HNRNPU: variants seen among roughly 807,000 people sequenced by gnomAD.
HNRNPU encodes heterogeneous nuclear ribonucleoprotein U.
Under a neutral mutation model 94.7 loss-of-function variants are expected in HNRNPU, and 5 were observed. The observed-to-expected ratio is 0.05, with a 90% CI of 0.03 to 0.11. HNRNPU has a LOEUF of 0.11. Among genes scored for constraint, HNRNPU ranks in the 10% least tolerant of loss-of-function variants. HNRNPU has a pLI of 1.00. For synonymous variants in HNRNPU, 434 were observed against 381.6 expected (o/e 1.14, Z -1.60); for missense variants, 710 against 1,049.2 (o/e 0.68, Z 4.47).
At chr1:244,859,100 G>A (rs891821779) in intron 5 of HNRNPU, 175 bp downstream of exon 5, 6 of 575,778 alleles carry the variant, frequency 1.0e-5, no homozygotes, top group East Asian at 2.9e-5. Context: ...TTCTAATAAA[G>A]GAACAAAAAC....
chr1:244,856,888 C>T lies in HNRNPU; in HGVS notation c.1615-32G>A, dbSNP rs772179775. 2.6e-6 allele frequency: 4 copies of T among 1,559,136 alleles called. No individual in the cohort carries two copies. In the East Asian group the frequency reaches 9.0e-5, roughly 35 times the overall value. ...TCAAAAGTTAAAATTTCCCCTTGAACTTGTGAATTTTAATAAGTTATGCTT... is the reference window on the plus strand; with the variant it reads ...TCAAAAGTTAAAATTTCCCCTTGAATTTGTGAATTTTAATAAGTTATGCTT... On this transcript the variant is annotated intron_variant, in intron 8 of 13. Transcript: ENST00000640218.
Position 244,864,504 on chromosome 1 carries a change from G to T in HNRNPU, c.-197C>A. 2.3e-6 allele frequency: 2 copies of T among 884,152 alleles called. No individual in the cohort carries two copies. Among genetic ancestry groups the T allele is most frequent in the Non-Finnish European group, 3.3e-6 (2 of 611,570 alleles). The allele number at this position is 884,152 out of a possible 1,614,324, so 54.8% of individuals were successfully genotyped here. A position where few individuals can be genotyped will look rare whatever the true frequency, so the allele number is the denominator to read the frequency against. ...CTTTCACCGAGTTCGCGAGGGAGAC[G>T]CGGAGACTCGCCTGGCGCGAGCGAG... is the stretch of plus-strand genomic sequence containing the variant. On this transcript the variant is annotated 5_prime_UTR_variant, in exon 1 of 14. Coordinates refer to ENST00000640218, the MANE Select transcript of HNRNPU (RefSeq NM_031844.3).
At chr1:244,855,236 A>G in intron 12 of HNRNPU, 188 bp downstream of exon 12, 1 of 722,166 alleles carries the variant, frequency 1.4e-6, no homozygotes, top group Non-Finnish European at 2.4e-6. Context: ...AATGCATCTG[A>G]CTTGTTTAGT....
At chr1:244,862,010 A>G (rs1006851537) in intron 3 of HNRNPU, 2 of 153,118 alleles carry the variant, frequency 1.3e-5, no homozygotes, top group Admixed American at 6.5e-5. Flanking sequence ...TGAAAAAGTA[A>G]TATTACAATC....
In HNRNPU at chr1:244,864,176, G is replaced by A. The variant is rs1260101788; in HGVS notation, c.132C>T (p.Asp44=). 4 of 1,607,030 alleles carry A rather than the reference G, an allele frequency of 2.5e-6. No homozygotes were observed. The East Asian group carries it at 6.7e-5, about 27-fold the overall frequency. Residue 44 remains aspartate (D), a synonymous_variant, in exon 1 of 14, where the codon GAC becomes GAT. Coordinates refer to ENST00000640218, the MANE Select transcript of HNRNPU (RefSeq NM_031844.3). ...LMERLQAALD[D]EEAGGRPAME... ...TGGCGGGGCGGCCCCCGGCCTCCTC[G>A]TCGTCCAGCGCAGCCTGGAGTCGCT...
intron 3 of HNRNPU, chr1:244,861,296 T>C (rs1323024561): frequency 2.6e-5 from 4 of 152,346 alleles, no homozygotes; most frequent in South Asian, 4.1e-4. Context: ...CAACAGATTG[T>C]TTGAATTCAA....
rs1680728001 is a variant in HNRNPU at position 244,858,096 on chromosome 1, G to A, written c.1409C>T (p.Pro470Leu). ...GQKEKPYFPI[P>L]EEYTFIQNVP... ...GTTCTGGATGAAAGTATACTCTTCAGGTATTGGAAAATATGGCTTTTCCTT... is the reference window on the plus strand; with the variant it reads ...GTTCTGGATGAAAGTATACTCTTCAAGTATTGGAAAATATGGCTTTTCCTT... The change falls in exon 7 of 14, where the codon CCT (proline) becomes CTT (leucine). Residue 470 changes from proline to leucine, a missense_variant. By Grantham distance (98) the Pro-to-Leu change is moderately conservative (BLOSUM62 -3). This residue lies in a region of HNRNPU where 150 missense variants were observed against 187.9 expected (regional missense o/e 0.80). Transcript: ENST00000640218. 1 of 1,613,942 alleles carries A rather than the reference G, an allele frequency of 6.2e-7. No homozygotes were observed. Among genetic ancestry groups the A allele is most frequent in the Non-Finnish European group, 8.5e-7 (1 of 1,179,864 alleles).
At chr1:244,857,893 G>C in intron 7 of HNRNPU, 118 bp downstream of exon 7, 2 of 1,297,174 alleles carry the variant, frequency 1.5e-6, no homozygotes, top group Non-Finnish European at 1.1e-6. Flanking sequence ...TTACTTAAGA[G>C]CAATATGCAC....
chr1:244,862,132 T>C (rs1221743056), intron 3 of HNRNPU: 6 of 231,434 alleles, frequency 2.6e-5, no homozygotes, highest in South Asian at 1.2e-4. Flanking sequence ...ATTACTTTAT[T>C]GTAGAAGCCT....
At chr1:244,859,058 G>GT (rs1680755987) in intron 5 of HNRNPU, 1 of 578,970 alleles carries the variant, frequency 1.7e-6, no homozygotes, top group Non-Finnish European at 3.0e-6. Context: ...CATATCACGG[G>GT]TAAGATTTTA....
intron 1 of HNRNPU, among the ~76,000 whole-genome samples, chr1:244,863,395 GACACACAC>G (rs1177980110): frequency 4.8e-4 from 67 of 138,716 alleles, no homozygotes; most frequent in East Asian, 2.7e-3. Context: ...TGCCACCGCC[GACACACAC>G]ACACACACAC....
chr1:244,857,154 T>C (rs1183776130), intron 8 of HNRNPU: 1 of 278,778 alleles, frequency 3.6e-6, no homozygotes, highest in Non-Finnish European at 6.6e-6. Context: ...TAATCTTGCC[T>C]TTCCTCCCAT....
chr1:244,858,991 G>C (rs148702922), intron 5 of HNRNPU, 150 bp from the exon 6 acceptor site: 236 of 597,184 alleles, frequency 4.0e-4, no homozygotes, highest in Admixed American at 7.5e-4. Context: ...CTCTGTACCA[G>C]AATTGATGGA....
At chr1:244,861,306 A>G (rs1680820991) in intron 3 of HNRNPU, 1 of 152,238 alleles carries the variant, frequency 6.6e-6, no homozygotes, top group Admixed American at 6.5e-5. Context: ...TTTGAATTCA[A>G]CATTGTACTT....
At chr1:244,857,751 C>A (rs770742773) in intron 7 of HNRNPU, 34 bp from the exon 8 acceptor site, 122 of 1,602,952 alleles carry the variant, frequency 7.6e-5, no homozygotes, top group Non-Finnish European at 9.8e-5. Context: ...ATTTCACTGT[C>A]AGTAGACACC....
chr1:244,855,731 T>C (rs898577035), intron 11 of HNRNPU, 123 bp from the exon 12 acceptor site: 2 of 1,311,540 alleles, frequency 1.5e-6, no homozygotes, highest in Admixed American at 4.7e-5. Flanking sequence ...AAAGAAATGT[T>C]TAATTCTAAC....
In HNRNPU at chr1:244,858,667, AAAGTTCCTAGATATAG is replaced by A; in HGVS notation, c.1230+46_1230+61del. On this transcript the variant is annotated intron_variant, in intron 6 of 13. Coordinates refer to ENST00000640218, the MANE Select transcript of HNRNPU (RefSeq NM_031844.3). ...AAACTGACCTCAGTAAAGCTTCTTT[AAAGTTCCTAGATATAG>A]CTACTAACTTTGCCATTTATACATA... 3 of 872,102 alleles carry A rather than the reference AAAGTTCCTAGATATAG, an allele frequency of 3.4e-6. No individual in the cohort carries two copies. The South Asian group carries it at 4.3e-5, about 13-fold the overall frequency. The allele number at this position is 872,102 out of a possible 1,614,324, so 54.0% of individuals were successfully genotyped here.
At chr1:244,862,783 GC>G in intron 1 of HNRNPU, 53 bp from the exon 2 acceptor site, 1 of 1,371,422 alleles carries the variant, frequency 7.3e-7, no homozygotes. Flanking sequence ...ACAAAAAAAC[GC>G]TTTTCCGTTC....
rs1680934795 is a variant in HNRNPU, at chr1:244,864,097, C to G, written c.211G>C (p.Gly71Arg). ...DLGGDSAGRS[G>R]AGLEQEAAAG... Reference sequence around the variant, plus strand: ...GCGGCCTCCTGCTCGAGGCCTGCTCCCGAGCGCCCAGCGGAATCCCCGCCC... The same window carrying G: ...GCGGCCTCCTGCTCGAGGCCTGCTCGCGAGCGCCCAGCGGAATCCCCGCCC... The change falls in exon 1 of 14, where the codon GGA becomes CGA. Residue 71 changes from glycine to arginine, a missense_variant. This residue lies in a region of HNRNPU where 292 missense variants were observed against 293.4 expected (regional missense o/e 1.00). Coordinates refer to ENST00000640218, the MANE Select transcript of HNRNPU (RefSeq NM_031844.3). 1 of 1,596,806 alleles carries G rather than the reference C, an allele frequency of 6.3e-7. No individual in the cohort carries two copies. The highest frequency in any genetic ancestry group is 8.5e-7 in the Non-Finnish European group (1 of 1,171,916).
Sources: allele counts gnomAD v4.1 joint callset (sites outside exome capture counted in the v4.1 genomes callset), GRCh38; gene constraint gnomAD v4.1.1; regional missense constraint gnomAD v4.1.1; transcripts MANE v1.5; gene names NCBI Gene and HGNC (gene_info 2026-07-23, HGNC 2026-07-21).